INPP5B: variants seen among roughly 807,000 people sequenced by gnomAD.
The protein encoded by INPP5B is type II inositol 1,4,5-trisphosphate 5-phosphatase.
In INPP5B, 90 loss-of-function variants were observed where a neutral mutation model predicts 118.5. The observed-to-expected ratio is 0.76, with a 90% CI of 0.64 to 0.90. INPP5B has a LOEUF of 0.90. Among genes scored for constraint, INPP5B ranks in the 40% least tolerant of loss-of-function variants. The pLI is 0.00. For synonymous variants in INPP5B, 385 were observed against 418.9 expected (o/e 0.92, Z 0.99); for missense variants, 984 against 1,125.6 (o/e 0.87, Z 1.80).
chr1:37,939,531 G>A (rs1157574136), intron 6 of INPP5B, among the ~76,000 whole-genome samples: 1 of 147,256 alleles, frequency 6.8e-6, no homozygotes, highest in Non-Finnish European at 1.5e-5. Context: ...TGCAAGCTCC[G>A]CCTCCTGGGT....
At chr1:37,869,608 C>T (rs1412908443) in intron 19 of INPP5B, among the ~76,000 whole-genome samples, 1 of 151,854 alleles carries the variant, frequency 6.6e-6, no homozygotes, top group Non-Finnish European at 1.5e-5. Context: ...GCCTCCCGAG[C>T]AGCTGGGAAT....
chr1:37,894,568 T>C lies in INPP5B; in HGVS notation c.533-3114A>G, dbSNP rs915150939. ...TCTATGTTTTTCTTTTTTCTTTTTT[T>C]TTTTTTTTTTTGAGACAGGGTCTCG... On this transcript the variant is annotated intron_variant, in intron 7 of 23. Transcript: ENST00000373024. Among the ~76,000 whole-genome samples, 5 of 123,840 alleles carry C rather than the reference T, an allele frequency of 4.0e-5. No homozygotes were observed. The South Asian group carries it at 8.3e-4, about 21-fold the overall frequency. 81.2% of individuals were successfully genotyped at this position (123,840 alleles called of 152,430 possible). A position where few individuals can be genotyped will look rare whatever the true frequency, so the allele number is the denominator to read the frequency against.
chr1:37,902,970 G>A (rs988030530), intron 7 of INPP5B, among the ~76,000 whole-genome samples: 4 of 150,528 alleles, frequency 2.7e-5, no homozygotes, highest in Admixed American at 6.7e-5. Flanking sequence ...GCACTACAGT[G>A]AGACCCTGTC....
At chr1:37,871,228 C>T (rs187365324) in intron 19 of INPP5B, among the ~76,000 whole-genome samples, 7 of 138,732 alleles carry the variant, frequency 5.0e-5, no homozygotes, top group South Asian at 2.3e-4. Context: ...GAAGCTGGGG[C>T]GGGCAGATCA....
intron 7 of INPP5B, among the ~76,000 whole-genome samples, chr1:37,915,535 T>A (rs1045001657): frequency 2.6e-5 from 4 of 152,172 alleles, no homozygotes; most frequent in African/African-American, 9.7e-5. Flanking sequence ...GATAAGGGAT[T>A]GAGGATGGTA....
chr1:37,909,048 A>G (rs1393342833), intron 7 of INPP5B, among the ~76,000 whole-genome samples: 2 of 152,156 alleles, frequency 1.3e-5, no homozygotes, highest in Admixed American at 6.6e-5. Flanking sequence ...AAACTTGACA[A>G]TGATTCCAAA....
chr1:37,882,550 T>A (rs1643268340), intron 14 of INPP5B, among the ~76,000 whole-genome samples: 1 of 152,138 alleles, frequency 6.6e-6, no homozygotes, highest in Non-Finnish European at 1.5e-5. Context: ...ACCTCTTGAA[T>A]AAATGAATGA....
In INPP5B at chr1:37,907,200, CTT is replaced by C. The variant is rs1644531355; in HGVS notation, c.533-15748_533-15747del. ...TTGTGGAATACATTGCTGTTGTACT[CTT>C]TGTGTAGAAACGCACAATAAGCTTA... On this transcript the variant is annotated intron_variant, in intron 7 of 23. Coordinates refer to ENST00000373024, the MANE Select transcript of INPP5B (RefSeq NM_005540.3). The surrounding 1 kb of genome is among the most constrained non-coding windows in gnomAD (Gnocchi z 4.3). Among the ~76,000 whole-genome samples, 2 of 152,210 alleles carry C rather than the reference CTT, an allele frequency of 1.3e-5. No individual in the cohort carries two copies. The highest frequency in any genetic ancestry group is 2.9e-5 in the Non-Finnish European group (2 of 68,042).
At chr1:37,893,085 C>CTTTTTTTTTTTTTTTTT (rs71053999) in intron 7 of INPP5B, among the ~76,000 whole-genome samples, 2 of 81,436 alleles carry the variant, frequency 2.5e-5, no homozygotes, top group African/African-American at 6.0e-5. Flanking sequence ...TTTTCTTTTT[C>CTTTTTTTTTTTTTTTTT]TTTTTTTTTT....
chr1:37,873,090 T>C lies in INPP5B; in HGVS notation c.2027A>G (p.Lys676Arg). Reference protein sequence around the residue: ...TATKLNSGEDKIEDILVLHLD... With the variant: ...TATKLNSGEDRIEDILVLHLD... ...GTGCAGAACCAGAATGTCCTCAATT[T>C]TGTCTTCACCCGAGTTGAGCTTTGT... Residue 676 changes from lysine to arginine, a missense_variant, in exon 19 of 24, where the codon AAA (lysine) becomes AGA (arginine). Around this residue, in one of 2 missense-constraint regions of INPP5B, gnomAD observed 634 missense variants for 791.0 expected, o/e 0.80. Transcript: ENST00000373024. 6.2e-7 allele frequency: 1 copy of C among 1,614,166 alleles called. No homozygotes were observed. Among genetic ancestry groups the C allele is most frequent in the Non-Finnish European group, 8.5e-7 (1 of 1,180,018 alleles).
chr1:37,890,672 C>G (rs562649390), intron 8 of INPP5B, among the ~76,000 whole-genome samples: 66 of 152,216 alleles, frequency 4.3e-4, no homozygotes, highest in African/African-American at 1.5e-3. Flanking sequence ...ACTTCAGAGT[C>G]AGGAAACACC....
chr1:37,882,819 A>C lies in INPP5B; in HGVS notation c.1419T>G (p.Tyr473Ter), dbSNP rs755790002. 1.9e-6 allele frequency: 3 copies of C among 1,611,054 alleles called. No individual in the cohort carries two copies. In the South Asian group the frequency reaches 3.3e-5, roughly 18 times the overall value. The stretch of plus-strand genomic sequence containing the variant: ...TGGCCATCTGTACCTGATCATATGC[A>C]TACAGCATTTGAAAGTCCTTCTCTT... ...LIEEKDFQMLYAYDQLKIQVA... is the reference protein window; with the variant it reads ...LIEEKDFQML Residue 473 changes from tyrosine (Y) to a stop codon, truncating the protein, a stop_gained, in exon 14 of 24, where the codon TAT (tyrosine) becomes TAG (stop). Transcript: ENST00000373024. LOFTEE classifies it high-confidence loss of function.
chr1:37,878,566 T>C (rs1356380423), intron 15 of INPP5B: 1 of 861,440 alleles, frequency 1.2e-6, no homozygotes, highest in Non-Finnish European at 1.4e-6. Flanking sequence ...CTGATCTTTA[T>C]CCTCCTATGA....
At position 37,873,043 on chromosome 1, in the gene INPP5B, A is replaced by T. The variant is rs777347618; in HGVS notation, c.2074T>A (p.Phe692Ile). 3.1e-6 allele frequency: 5 copies of T among 1,614,212 alleles called. No homozygotes were observed. Among genetic ancestry groups the T allele is most frequent in the Non-Finnish European group, 4.2e-6 (5 of 1,180,034 alleles). The change falls in exon 19 of 24, where the codon TTT becomes ATT. Residue 692 changes from phenylalanine (F) to isoleucine (I), a missense_variant. Physicochemically the swap from Phe to Ile is conservative, Grantham distance 21. This residue lies in a region of INPP5B where 634 missense variants were observed against 791.0 expected (regional missense o/e 0.80). Coordinates refer to ENST00000373024, the MANE Select transcript of INPP5B (RefSeq NM_005540.3). ...AGGTAGTTCCCAGACACAGACAAAA[A>T]GTAATCCTTTCCCCTGTCCAAGTGC... ...VLHLDRGKDY[F>I]LSVSGNYLPS...
chr1:37,871,097 G>GCAGTGAGC (rs1225118161), intron 19 of INPP5B, among the ~76,000 whole-genome samples: 3 of 148,430 alleles, frequency 2.0e-5, no homozygotes, highest in Non-Finnish European at 4.4e-5. Context: ...GGCAGAGGTT[G>GCAGTGAGC]CAGTGAGCCC....
Position 37,886,869 on chromosome 1 carries a change from A to C in INPP5B, c.1131+19T>G, listed in dbSNP as rs759562921. On this transcript the variant is annotated intron_variant, in intron 12 of 23. Coordinates refer to ENST00000373024, the MANE Select transcript of INPP5B (RefSeq NM_005540.3). Reference sequence around the variant, plus strand: ...AGCTAAGGTCCTCAATGTGCCAAACAAACCAACCAAGGACTCACCATCCTC... The same window carrying C: ...AGCTAAGGTCCTCAATGTGCCAAACCAACCAACCAAGGACTCACCATCCTC... The C allele has an allele frequency of 1.4e-5, 23 of 1,603,434 alleles. No individual in the cohort carries two copies. Among genetic ancestry groups the C allele is most frequent in the Middle Eastern group, 3.3e-4 (2 of 6,040 alleles).
At chr1:37,892,829 A>G (rs1232333998) in intron 7 of INPP5B, among the ~76,000 whole-genome samples, 2 of 152,116 alleles carry the variant, frequency 1.3e-5, no homozygotes, top group Non-Finnish European at 2.9e-5. Context: ...TTTAGGTCAC[A>G]AGGGTGGAGC....
chr1:37,891,287 C>T lies in INPP5B; in HGVS notation c.629+71G>A, dbSNP rs945578098. The T allele has an allele frequency of 5.5e-6, 6 of 1,100,112 alleles. No individual in the cohort carries two copies. The African/African-American group carries it at 9.5e-5, about 17-fold the overall frequency. The allele number at this position is 1,100,112 out of a possible 1,614,324, so 68.1% of individuals were successfully genotyped here. A position where few individuals can be genotyped will look rare whatever the true frequency, so the allele number is the denominator to read the frequency against. On this transcript the variant is annotated intron_variant, in intron 8 of 23. Transcript: ENST00000373024. ...TACCCTGGGACAACTTACATTATACCCAAAATGGTCTCAGTACTGTGAGGA... is the reference window on the plus strand; with the variant it reads ...TACCCTGGGACAACTTACATTATACTCAAAATGGTCTCAGTACTGTGAGGA...
At chr1:37,887,250 A>T in intron 11 of INPP5B, 101 bp downstream of exon 11, 1 of 848,668 alleles carries the variant, frequency 1.2e-6, no homozygotes, top group Non-Finnish European at 1.9e-6. Context: ...CGGGATAATT[A>T]AGACTGGCTT....
Sources: allele counts gnomAD v4.1 joint callset (sites outside exome capture counted in the v4.1 genomes callset), GRCh38; gene constraint gnomAD v4.1.1; regional missense constraint gnomAD v4.1.1; non-coding constraint Gnocchi (gnomAD v3.1); transcripts MANE v1.5; gene names NCBI Gene and HGNC (gene_info 2026-07-23, HGNC 2026-07-21).